Variants in CYP4F12 observed in about 807,000 individuals in gnomAD.
The protein encoded by CYP4F12 is cytochrome P450 family 4 subfamily F member 12.
A neutral mutation model predicts 56.5 loss-of-function variants in CYP4F12; 60 were observed. That is an observed-to-expected ratio of 1.06 (90% CI 0.86 to 1.32). CYP4F12 has a LOEUF of 1.32. CYP4F12 is among the 40% of genes most tolerant of loss of function. The probability of loss-of-function intolerance (pLI) is 0.00; values close to 1 mark genes in which losing one functional copy is unlikely to be tolerated. For synonymous variants in CYP4F12, 263 were observed against 264.9 expected (o/e 0.99, Z 0.07); for missense variants, 711 against 683.5 (o/e 1.04, Z -0.45).
chr19:15,678,689 G>T (rs597616), intron 3 of CYP4F12: 4,778 of 365,146 alleles, frequency 0.013, 23 homozygotes, highest in African/African-American at 0.088. Context: ...GCAAGAGAGA[G>T]ATGGGTATGA....
rs1235585539 is a variant in CYP4F12, at chr19:15,680,308, G to C, written c.397+11G>C. On this transcript the variant is annotated intron_variant, in intron 4 of 12. Coordinates refer to ENST00000550308, the MANE Select transcript of CYP4F12 (RefSeq NM_023944.4). The stretch of plus-strand genomic sequence containing the variant: ...TGAAGCCCTGGCTGGGTGAGTACCT[G>C]CAGGTGAAAGGGGTTGGGGACAACC... 6.2e-7 allele frequency: 1 copy of C among 1,612,810 alleles called. No homozygotes were observed. Among genetic ancestry groups the C allele is most frequent in the Non-Finnish European group, 8.5e-7 (1 of 1,179,212 alleles).
chr19:15,676,073 G>T (rs2006905005), intron 2 of CYP4F12, among the ~76,000 whole-genome samples: 1 of 152,142 alleles, frequency 6.6e-6, no homozygotes, highest in Non-Finnish European at 1.5e-5. Context: ...GGCAGGAGAA[G>T]ACGGATATCC....
At chr19:15,677,128 T>TTCCTCTGCCC (rs1568414014) in intron 2 of CYP4F12, among the ~76,000 whole-genome samples, 2 of 90,262 alleles carry the variant, frequency 2.2e-5, no homozygotes, top group African/African-American at 4.0e-5. Flanking sequence ...CACTCATTCA[T>TTCCTCTGCCC]ATCCTCACTC....
At chr19:15,692,515 A>ATGGTATC (rs977726888) in intron 9 of CYP4F12, among the ~76,000 whole-genome samples, 1 of 152,188 alleles carries the variant, frequency 6.6e-6, no homozygotes, top group African/African-American at 2.4e-5. Context: ...TATGCTAAAG[A>ATGGTATC]TGGTATCTGT....
intron 9 of CYP4F12, among the ~76,000 whole-genome samples, chr19:15,689,869 T>C (rs596634): frequency 0.28 from 43,078 of 152,094 alleles, 6,627 homozygotes; most frequent in African/African-American, 0.4. Flanking sequence ...CCAAATACCA[T>C]ATATTTTCAC....
intron 7 of CYP4F12, 35 bp from the exon 8 acceptor site, chr19:15,684,781 T>C (rs1400368846): frequency 1.7e-5 from 26 of 1,502,522 alleles, no homozygotes; most frequent in Non-Finnish European, 2.4e-5. Context: ...TGTGTGTGTG[T>C]GTGTGTGTGT....
chr19:15,673,521 C>G lies in CYP4F12; in HGVS notation c.-1-8C>G, dbSNP rs747020284. The G allele has an allele frequency of 6.2e-7, 1 of 1,612,522 alleles. No homozygotes were observed. Among genetic ancestry groups the G allele is most frequent in the Admixed American group, 1.7e-5 (1 of 59,980 alleles). On this transcript the variant is annotated splice_polypyrimidine_tract_variant and splice_region_variant and intron_variant, in intron 1 of 12. Coordinates refer to ENST00000550308, the MANE Select transcript of CYP4F12 (RefSeq NM_023944.4). ...AGGTCCTCACCCTGCATCCCCTCTG[C>G]CCTGCAGGATGTCGCTGCTGAGCCT... is the stretch of plus-strand genomic sequence containing the variant.
At chr19:15,685,340 T>C (rs1163091323) in intron 9 of CYP4F12, 143 bp downstream of exon 9, 4 of 1,333,308 alleles carry the variant, frequency 3.0e-6, no homozygotes, top group Non-Finnish European at 4.0e-6. Flanking sequence ...CAGGGCTTGA[T>C]ACCAAGCCTG....
chr19:15,692,917 TAA>T (rs10719216), intron 9 of CYP4F12, among the ~76,000 whole-genome samples: 2 of 149,856 alleles, frequency 1.3e-5, no homozygotes, highest in African/African-American at 2.5e-5. Flanking sequence ...CTACTAAAAA[TAA>T]AAAAAAAAAT....
chr19:15,691,879 G>A (rs150139819), intron 9 of CYP4F12, among the ~76,000 whole-genome samples: 138 of 152,206 alleles, frequency 9.1e-4, no homozygotes, highest in Non-Finnish European at 1.7e-3. Context: ...TCACATGCCC[G>A]TCTCTGACCT....
At chr19:15,678,916 T>A (rs1212743847) in intron 3 of CYP4F12, among the ~76,000 whole-genome samples, 1 of 152,162 alleles carries the variant, frequency 6.6e-6, no homozygotes, top group Admixed American at 6.5e-5. Flanking sequence ...TGGTGGAGAA[T>A]CTGGGCTGCT....
Position 15,697,172 on chromosome 19 carries a change from C to T in CYP4F12, c.*87C>T, listed in dbSNP as rs374182311. On this transcript the variant is annotated 3_prime_UTR_variant, in exon 13 of 13. Transcript: ENST00000550308. ...CTGCCTGGGCCTCACTGACAGCCTG[C>T]AGGGGGCTCTTGGGGACTGGGAGGC... 1.3e-6 allele frequency: 2 copies of T among 1,511,030 alleles called. No homozygotes were observed. The highest frequency in any genetic ancestry group is 9.0e-7 in the Non-Finnish European group (1 of 1,116,284). The allele number at this position is 1,511,030 out of a possible 1,614,324, so 93.6% of individuals were successfully genotyped here.
chr19:15,673,595 G>C lies in CYP4F12; in HGVS notation c.66G>C (p.Leu22=). ...TGGCAACGTCCCCATGGCTACTCCT[G>C]CTGCTGGTTGTGGGCTCCTGGCTAC... is the stretch of plus-strand genomic sequence containing the variant. ...RPVATSPWLL[L]LLVVGSWLLA... is the part of the protein sequence containing the mutation. Residue 22 remains leucine (L), a synonymous_variant, in exon 2 of 13, where the codon CTG becomes CTC. Transcript: ENST00000550308. 6.2e-7 allele frequency: 1 copy of C among 1,614,086 alleles called. No homozygotes were observed. The highest frequency in any genetic ancestry group is 8.5e-7 in the Non-Finnish European group (1 of 1,179,966).
At chr19:15,693,188 C>A (rs7248848) in intron 9 of CYP4F12, among the ~76,000 whole-genome samples, 3 of 152,044 alleles carry the variant, frequency 2.0e-5, no homozygotes, top group Non-Finnish European at 4.4e-5. Context: ...AAAATAATAA[C>A]CTGGCAACGT....
intron 2 of CYP4F12, 151 bp from the exon 3 acceptor site, chr19:15,678,110 T>C: frequency 1.0e-6 from 1 of 1,004,460 alleles, no homozygotes; most frequent in Non-Finnish European, 1.5e-6. Context: ...TTCCATCCTG[T>C]TTACCTTCAA....
intron 9 of CYP4F12, among the ~76,000 whole-genome samples, 187 bp downstream of exon 9, chr19:15,685,384 C>T (rs891467146): frequency 1.3e-5 from 2 of 152,042 alleles, no homozygotes; most frequent in African/African-American, 2.4e-5. Context: ...CCTTTAGGAC[C>T]GAAAGACCCG....
chr19:15,685,003 GC>G, intron 8 of CYP4F12, 64 bp from the exon 9 acceptor site: 1 of 1,588,916 alleles, frequency 6.3e-7, no homozygotes, highest in Non-Finnish European at 8.6e-7. Flanking sequence ...CCTCCTGAGG[GC>G]CTCAATATCT....
intron 9 of CYP4F12, among the ~76,000 whole-genome samples, chr19:15,690,999 C>T (rs2007844670): frequency 6.6e-6 from 1 of 152,196 alleles, no homozygotes; most frequent in Non-Finnish European, 1.5e-5. Flanking sequence ...CCACTCAATA[C>T]TGTGTCTGAC....
chr19:15,678,558 GT>G, intron 3 of CYP4F12, 153 bp downstream of exon 3: 1 of 1,100,982 alleles, frequency 9.1e-7, no homozygotes, highest in Non-Finnish European at 1.3e-6. Context: ...CTGTCTTGGT[GT>G]TCTGGGCACC....
Sources: allele counts gnomAD v4.1 joint callset (sites outside exome capture counted in the v4.1 genomes callset), GRCh38; gene constraint gnomAD v4.1.1; transcripts MANE v1.5; gene names NCBI Gene and HGNC (gene_info 2026-07-23, HGNC 2026-07-21).